Variants in SGK3 observed in about 807,000 individuals in gnomAD.
SGK3 encodes serine/threonine-protein kinase Sgk3.
SGK3 carries 47 observed loss-of-function variants against 68.5 expected under a neutral mutation model. That is an observed-to-expected ratio of 0.69 (90% confidence interval 0.54 to 0.87). The LOEUF (loss-of-function observed/expected upper bound fraction) is 0.87, where lower values mean the gene tolerates loss of function less well. Among genes scored for constraint, SGK3 ranks in the 40% least tolerant of loss-of-function variants. The pLI is 0.00. For missense variants in SGK3, 479 were observed against 575.5 expected, an observed-to-expected ratio of 0.83 and a Z score of 1.72; for synonymous variants, 181 against 189.1, an observed-to-expected ratio of 0.96 and a Z score of 0.35.
intron 1 of SGK3, among the ~76,000 whole-genome samples, chr8:66,743,922 C>G (rs182668536): frequency 4.6e-5 from 7 of 152,370 alleles, no homozygotes; most frequent in Non-Finnish European, 1.0e-4. Flanking sequence ...CTCCATTTCC[C>G]TGCTGGAACC....
At chr8:66,835,271 C>T (rs926657493) in intron 8 of SGK3, among the ~76,000 whole-genome samples, 5 of 152,156 alleles carry the variant, frequency 3.3e-5, no homozygotes, top group African/African-American at 7.2e-5. Flanking sequence ...TTCTTTAAAG[C>T]GTCTGCATGG....
intron 1 of SGK3, among the ~76,000 whole-genome samples, chr8:66,744,812 T>G (rs533267239): frequency 1.3e-5 from 2 of 151,406 alleles, no homozygotes; most frequent in Non-Finnish European, 1.5e-5. Context: ...AGCCTTTTTT[T>G]TTTTTCTAGA....
At position 66,853,853 on chromosome 8, in the gene SGK3, T is replaced by C. The variant is rs149062621; in HGVS notation, c.1320+2933T>C. ...TGGGCTAATACAAACCATGAATGGGTACATTATTATATTTTAATCTTTTTT... is the reference window on the plus strand; with the variant it reads ...TGGGCTAATACAAACCATGAATGGGCACATTATTATATTTTAATCTTTTTT... On this transcript the variant is annotated intron_variant, in intron 16 of 16. Transcript: ENST00000521198. 1.3e-3 allele frequency among the ~76,000 whole-genome samples: 201 copies of C among 152,292 alleles called. 1 individual carries two copies. Among genetic ancestry groups the C allele is most frequent in the African/African-American group, 4.6e-3 (191 of 41,558 alleles).
At chr8:66,760,375 C>T (rs1369929834) in intron 1 of SGK3, among the ~76,000 whole-genome samples, 10 of 142,726 alleles carry the variant, frequency 7.0e-5, no homozygotes, top group African/African-American at 2.6e-4. Context: ...TGCCCTGTCA[C>T]CCAGGCTGGA....
chr8:66,759,649 T>TTTTGTTTG (rs113675222), intron 1 of SGK3, among the ~76,000 whole-genome samples: 15 of 151,492 alleles, frequency 9.9e-5, no homozygotes, highest in African/African-American at 3.4e-4. Context: ...CCAGGATGGT[T>TTTTGTTTG]TTTGTTTGTT....
intron 4 of SGK3, among the ~76,000 whole-genome samples, chr8:66,805,743 C>A (rs1362990773): frequency 6.6e-6 from 1 of 152,186 alleles, no homozygotes; most frequent in Non-Finnish European, 1.5e-5. Context: ...TCTATCTCTG[C>A]CACAGATGAA....
rs1563605823 is a variant in SGK3, at chr8:66,744,530, T to TTGTTGTTGTTG, written c.-122+31698_-122+31699insGTTGTTGTTGT. ...ATATATATATATATATTTTTTTTTT[T>TTGTTGTTGTTG]TTTTTTTTTTTTTTTAGATGGAGTC... On this transcript the variant is annotated intron_variant, in intron 1 of 16. Coordinates refer to ENST00000521198, the MANE Select transcript of SGK3 (RefSeq NM_001033578.3). 1.2e-4 allele frequency among the ~76,000 whole-genome samples: 14 copies of TTGTTGTTGTTG among 119,320 alleles called. 1 individual carries two copies. Among genetic ancestry groups the TTGTTGTTGTTG allele is most frequent in the African/African-American group, 4.3e-4 (14 of 32,676 alleles). 78.3% of individuals were successfully genotyped at this position (119,320 alleles called of 152,430 possible).
At chr8:66,752,322 A>G (rs1805842400) in intron 1 of SGK3, among the ~76,000 whole-genome samples, 1 of 152,144 alleles carries the variant, frequency 6.6e-6, no homozygotes, top group Non-Finnish European at 1.5e-5. Flanking sequence ...GGAATGCATG[A>G]CTTGGCAATG....
chr8:66,810,591 C>T (rs1001810262), intron 4 of SGK3, among the ~76,000 whole-genome samples: 2 of 152,176 alleles, frequency 1.3e-5, no homozygotes, highest in African/African-American at 4.8e-5. Context: ...ATCCCGGCTA[C>T]TCTGGAGGCT....
chr8:66,785,052 A>G lies in SGK3; in HGVS notation c.-121-8564A>G, dbSNP rs1421278002. On this transcript the variant is annotated intron_variant, in intron 1 of 16. Coordinates refer to ENST00000521198, the MANE Select transcript of SGK3 (RefSeq NM_001033578.3). ...TGATGTTTTTCAAGAAAGGGAAGCC[A>G]GGCTCCTGACCAAGTGCTGTCCAGA... 3.9e-5 allele frequency among the ~76,000 whole-genome samples: 6 copies of G among 152,350 alleles called. No individual in the cohort carries two copies. In the South Asian group the frequency reaches 1.0e-3, roughly 26 times the overall value.
chr8:66,781,137 T>C (rs898116585), intron 1 of SGK3, among the ~76,000 whole-genome samples: 1 of 151,986 alleles, frequency 6.6e-6, no homozygotes, highest in African/African-American at 2.4e-5. Flanking sequence ...ATGCTTGGAG[T>C]GTGCCTACAA....
At chr8:66,769,142 A>T (rs1338161573) in intron 1 of SGK3, among the ~76,000 whole-genome samples, 1 of 152,124 alleles carries the variant, frequency 6.6e-6, no homozygotes, top group Non-Finnish European at 1.5e-5. Flanking sequence ...CTCCAACACC[A>T]TCTTTATCTT....
intron 1 of SGK3, among the ~76,000 whole-genome samples, chr8:66,775,020 C>T (rs1421006060): frequency 1.3e-5 from 2 of 152,256 alleles, no homozygotes; most frequent in African/African-American, 4.8e-5. Context: ...GGCTTCCCGC[C>T]TTTCCTCCCC....
chr8:66,743,821 T>G (rs1310070625), intron 1 of SGK3, among the ~76,000 whole-genome samples: 2 of 152,242 alleles, frequency 1.3e-5, no homozygotes, highest in East Asian at 3.8e-4. Context: ...AGCTAATTTT[T>G]TTTGTACTTG....
At chr8:66,757,099 C>T (rs1012015895) in intron 1 of SGK3, among the ~76,000 whole-genome samples, 6 of 150,628 alleles carry the variant, frequency 4.0e-5, no homozygotes, top group Admixed American at 4.0e-4. Context: ...ATCCTACCTA[C>T]GTGATCCCTT....
intron 1 of SGK3, among the ~76,000 whole-genome samples, chr8:66,770,173 C>T (rs1299044881): frequency 6.6e-6 from 1 of 151,556 alleles, no homozygotes; most frequent in South Asian, 2.1e-4. Context: ...CCAGGATGGT[C>T]TTGATCTCGT....
chr8:66,729,298 T>C (rs1805071699), intron 1 of SGK3, among the ~76,000 whole-genome samples: 1 of 150,544 alleles, frequency 6.6e-6, no homozygotes, highest in Admixed American at 6.6e-5. Context: ...CTACTAAAAA[T>C]ACAAAAAATT....
chr8:66,847,454 G>T (rs1810079692), intron 15 of SGK3, 106 bp downstream of exon 15: 1 of 1,464,512 alleles, frequency 6.8e-7, no homozygotes, highest in Non-Finnish European at 9.1e-7. Flanking sequence ...AATATGCGGA[G>T]AATAGCAACA....
intron 6 of SGK3, among the ~76,000 whole-genome samples, chr8:66,823,857 T>A (rs952306652): frequency 2.6e-5 from 4 of 152,238 alleles, no homozygotes; most frequent in Admixed American, 6.5e-5. Flanking sequence ...TTATTATAAA[T>A]GTTATATAAC....
Sources: gnomAD v4.1 joint callset for allele counts (sites outside exome capture counted in the v4.1 genomes callset) on GRCh38, gnomAD v4.1.1 for gene constraint, MANE v1.5 for transcripts, NCBI Gene and HGNC (gene_info 2026-07-23, HGNC 2026-07-21) for gene names.